Variants in CCDC102B observed in about 807,000 individuals in gnomAD.
CCDC102B encodes coiled-coil domain-containing protein 102B.
A neutral mutation model predicts 57.4 loss-of-function variants in CCDC102B; 75 were observed. The ratio of observed to expected loss-of-function variants is 1.31; its 90% CI spans 1.08 to 1.58. The LOEUF (loss-of-function observed/expected upper bound fraction) is 1.58. CCDC102B is among the 40% of genes most tolerant of loss of function. The pLI, the probability that CCDC102B is intolerant of heterozygous loss-of-function variation, is 0.00. For missense variants in CCDC102B, 636 were observed against 582.6 expected (o/e 1.09, Z -0.94); for synonymous variants, 206 against 201.9 (o/e 1.02, Z -0.17).
In CCDC102B at chr18:68,994,496, CT is replaced by C. The variant is rs1402651906; in HGVS notation, c.1264-16437del. On this transcript the variant is annotated intron_variant, in intron 6 of 7. Coordinates refer to ENST00000360242, the MANE Select transcript of CCDC102B (RefSeq NM_024781.3). ...TCCTCGTGATCCCTATAATCCTCCC[CT>C]CTCCCTGACCCCTCCTGCCACCCCC... Among the ~76,000 whole-genome samples the C allele has an allele frequency of 3.9e-5, 6 of 152,058 alleles. No homozygotes were observed. In the East Asian group the frequency reaches 9.7e-4, roughly 25 times the overall value.
intron 1 of CCDC102B, among the ~76,000 whole-genome samples, chr18:68,821,934 G>C (rs1249225478): frequency 6.6e-6 from 1 of 152,068 alleles, no homozygotes; most frequent in Non-Finnish European, 1.5e-5. Context: ...AGAGTTTCAA[G>C]ATTTGTATTC....
chr18:68,815,342 GAC>G (rs1001444850), intron 1 of CCDC102B, among the ~76,000 whole-genome samples: 8 of 152,108 alleles, frequency 5.3e-5, no homozygotes, highest in Non-Finnish European at 7.4e-5. Flanking sequence ...TGGCCCAATG[GAC>G]ACAGATAAAC....
chr18:68,994,360 G>A (rs1404007457), intron 6 of CCDC102B, among the ~76,000 whole-genome samples: 1 of 152,086 alleles, frequency 6.6e-6, no homozygotes, highest in African/African-American at 2.4e-5. Context: ...CTTGAAAAGG[G>A]AGTATGTTCC....
intron 2 of CCDC102B, among the ~76,000 whole-genome samples, chr18:68,776,948 T>C (rs1221533419): frequency 1.3e-5 from 2 of 152,206 alleles, no homozygotes; most frequent in East Asian, 3.8e-4. Flanking sequence ...TTACATCCTT[T>C]GTGGTACTTA....
intron 2 of CCDC102B, among the ~76,000 whole-genome samples, chr18:68,731,547 G>A (rs1031400763): frequency 6.6e-6 from 1 of 151,922 alleles, no homozygotes; most frequent in African/African-American, 2.4e-5. Flanking sequence ...TGCATATTAG[G>A]TTGGTCCCAT....
chr18:68,998,979 T>TAC, intron 6 of CCDC102B, among the ~76,000 whole-genome samples: 1 of 67,368 alleles, frequency 1.5e-5, no homozygotes, highest in East Asian at 3.8e-4. Context: ...TATATATATA[T>TAC]ATATATATAT....
chr18:68,899,469 C>T (rs1790566576), intron 6 of CCDC102B, among the ~76,000 whole-genome samples: 1 of 151,678 alleles, frequency 6.6e-6, no homozygotes, highest in African/African-American at 2.4e-5. Context: ...AGTACCATGT[C>T]TATATATGTA....
intron 6 of CCDC102B, among the ~76,000 whole-genome samples, chr18:68,973,037 T>C (rs1451159604): frequency 2.0e-5 from 3 of 152,174 alleles, no homozygotes; most frequent in South Asian, 4.1e-4. Flanking sequence ...GAGATTTGAA[T>C]TGCAGATAGT....
chr18:68,910,579 A>G (rs1423339000), intron 6 of CCDC102B, among the ~76,000 whole-genome samples: 1 of 152,178 alleles, frequency 6.6e-6, no homozygotes, highest in Non-Finnish European at 1.5e-5. Context: ...AGTGTCACAG[A>G]TGTAGACAGG....
chr18:68,784,088 T>G (rs2035101215), intron 2 of CCDC102B, among the ~76,000 whole-genome samples: 1 of 152,178 alleles, frequency 6.6e-6, no homozygotes, highest in African/African-American at 2.4e-5. Context: ...TATTCAGTAT[T>G]TGTTAAGAGC....
At chr18:69,002,002 A>T (rs542044307) in intron 6 of CCDC102B, among the ~76,000 whole-genome samples, 2 of 152,288 alleles carry the variant, frequency 1.3e-5, no homozygotes, top group South Asian at 4.1e-4. Flanking sequence ...TTTATTTAGT[A>T]AGTATGTTTT....
At chr18:68,951,641 C>G (rs1482950644) in intron 6 of CCDC102B, among the ~76,000 whole-genome samples, 2 of 151,940 alleles carry the variant, frequency 1.3e-5, no homozygotes, top group Non-Finnish European at 2.9e-5. Context: ...AACCCCGTCT[C>G]TACTAAAAAT....
chr18:68,715,235 G>C lies in CCDC102B; in HGVS notation c.-260G>C, dbSNP rs2031865075. ...TGTCTTAAGAATCCTTTGCGCTCTC[G>C]GTGCCCCCCTCCACGCCCAGGAGCG... is the stretch of plus-strand genomic sequence containing the variant. On this transcript the variant is annotated 5_prime_UTR_variant, in exon 1 of 4. Transcript: ENST00000578970. 4.4e-6 allele frequency: 6 copies of C among 1,352,230 alleles called. No individual in the cohort carries two copies. The Admixed American group carries it at 1.8e-4, about 41-fold the overall frequency. The allele number at this position is 1,352,230 out of a possible 1,614,324, so 83.8% of individuals were successfully genotyped here.
At chr18:68,997,543 A>G (rs367688198) in intron 6 of CCDC102B, among the ~76,000 whole-genome samples, 1 of 152,162 alleles carries the variant, frequency 6.6e-6, no homozygotes, top group South Asian at 2.1e-4. Flanking sequence ...TAAAATGTAC[A>G]TGTCAAGTAG....
chr18:68,944,243 A>G (rs1293325272), intron 6 of CCDC102B, among the ~76,000 whole-genome samples: 1 of 152,126 alleles, frequency 6.6e-6, no homozygotes, highest in Non-Finnish European at 1.5e-5. Flanking sequence ...CCTATGGGAA[A>G]AACAAGGCTG....
intron 2 of CCDC102B, among the ~76,000 whole-genome samples, chr18:68,719,784 C>G (rs1198895829): frequency 6.6e-6 from 1 of 152,118 alleles, no homozygotes; most frequent in African/African-American, 2.4e-5. Context: ...ACAAACACGT[C>G]CAGACAATCA....
chr18:68,758,126 G>A (rs1159452367), intron 2 of CCDC102B, among the ~76,000 whole-genome samples: 2 of 151,660 alleles, frequency 1.3e-5, no homozygotes, highest in African/African-American at 4.8e-5. Context: ...TTTATTTAAG[G>A]TATACAAAAT....
At chr18:68,740,066 A>G (rs2033316871) in intron 2 of CCDC102B, among the ~76,000 whole-genome samples, 1 of 152,232 alleles carries the variant, frequency 6.6e-6, no homozygotes, top group Non-Finnish European at 1.5e-5. Context: ...AGTACTATGG[A>G]CATTCTGGGT....
chr18:68,803,884 T>TA (rs1311860832), intron 1 of CCDC102B, among the ~76,000 whole-genome samples: 3 of 152,224 alleles, frequency 2.0e-5, no homozygotes, highest in African/African-American at 7.2e-5. Context: ...GACAACATCA[T>TA]AAACTACAAC....
Sources: allele counts gnomAD v4.1 joint callset (sites outside exome capture counted in the v4.1 genomes callset), GRCh38; gene constraint gnomAD v4.1.1; transcripts MANE v1.5; gene names NCBI Gene and HGNC (gene_info 2026-07-23, HGNC 2026-07-21).